The following ATP6V0D2 variants were observed in gnomAD, a reference collection of about 807,000 sequenced individuals.
ATP6V0D2 encodes ATPase H+ transporting V0 subunit d2, also known as V-type proton ATPase subunit d 2.
Under a neutral mutation model 40.0 loss-of-function variants are expected in ATP6V0D2, and 40 were observed. The ratio of observed to expected loss-of-function variants is 1.00; its 90% CI spans 0.78 to 1.30. The LOEUF (loss-of-function observed/expected upper bound fraction) is 1.30, where lower values mean the gene tolerates loss of function less well. ATP6V0D2 is among the 50% of genes most tolerant of loss of function. The pLI is 0.00. For synonymous variants in ATP6V0D2, 179 were observed against 156.3 expected (o/e 1.15, Z -1.08); for missense variants, 470 against 423.1 (o/e 1.11, Z -0.97).
At chr8:86,124,933 A>C (rs923134352) in intron 2 of ATP6V0D2, among the ~76,000 whole-genome samples, 1 of 152,180 alleles carries the variant, frequency 6.6e-6, no homozygotes, top group African/African-American at 2.4e-5. Context: ...AATGTAGCTA[A>C]TTTTATTTGT....
intron 1 of ATP6V0D2, among the ~76,000 whole-genome samples, chr8:86,103,500 C>A (rs189274495): frequency 2.6e-3 from 395 of 152,054 alleles, no homozygotes; most frequent in African/African-American, 9.0e-3. Context: ...ATCTCACTAA[C>A]AATGGTGCCC....
intron 5 of ATP6V0D2, among the ~76,000 whole-genome samples, chr8:86,145,438 T>C (rs1004939499): frequency 6.7e-6 from 1 of 149,120 alleles, no homozygotes; most frequent in Non-Finnish European, 1.5e-5. Flanking sequence ...CTCTATGTTG[T>C]CCAAGCCTGA....
chr8:86,118,035 TC>T (rs1458478960), intron 2 of ATP6V0D2, among the ~76,000 whole-genome samples: 7 of 151,084 alleles, frequency 4.6e-5, no homozygotes, highest in African/African-American at 1.7e-4. Context: ...TCTTTTTTTT[TC>T]TTTCTTTCTT....
At chr8:86,138,921 A>G (rs1002663800) in intron 2 of ATP6V0D2, among the ~76,000 whole-genome samples, 1 of 152,216 alleles carries the variant, frequency 6.6e-6, no homozygotes, top group African/African-American at 2.4e-5. Context: ...TTGTTAGAAT[A>G]TTGAATATGC....
intron 2 of ATP6V0D2, among the ~76,000 whole-genome samples, chr8:86,130,469 G>T (rs1818807922): frequency 6.6e-6 from 1 of 151,636 alleles, no homozygotes; most frequent in Non-Finnish European, 1.5e-5. Flanking sequence ...ATTAAATTAT[G>T]TTAAAAATAA....
rs182350599 is a variant in ATP6V0D2 at position 86,139,209 on chromosome 8, C to T, written c.303-248C>T. Among the ~76,000 whole-genome samples, 21 of 134,956 alleles carry T rather than the reference C, an allele frequency of 1.6e-4. No homozygotes were observed. The Admixed American group carries it at 1.7e-3, about 11-fold the overall frequency. The allele number at this position is 134,956 out of a possible 152,430, so 88.5% of individuals were successfully genotyped here. A position where few individuals can be genotyped will look rare whatever the true frequency, so the allele number is the denominator to read the frequency against. ...GGCCACTGCACTCCAGTCAGGGTGA[C>T]AGAGAGAGACTTGGTCTCAAAAAAA... is the stretch of plus-strand genomic sequence containing the variant. On this transcript the variant is annotated intron_variant, in intron 2 of 7. Transcript: ENST00000285393.
At chr8:86,133,047 T>C (rs1273798942) in intron 2 of ATP6V0D2, among the ~76,000 whole-genome samples, 1 of 152,190 alleles carries the variant, frequency 6.6e-6, no homozygotes, top group African/African-American at 2.4e-5. Flanking sequence ...TGCTATCTTA[T>C]TGTGGTTGAA....
rs1242290952 is a variant in ATP6V0D2 at position 86,117,552 on chromosome 8, C to T, written c.302+3672C>T. Among the ~76,000 whole-genome samples, 3 of 152,210 alleles carry T rather than the reference C, an allele frequency of 2.0e-5. No individual in the cohort carries two copies. In the East Asian group the frequency reaches 5.8e-4, roughly 29 times the overall value. On this transcript the variant is annotated intron_variant, in intron 2 of 7. Coordinates refer to ENST00000285393, the MANE Select transcript of ATP6V0D2 (RefSeq NM_152565.1). Reference sequence around the variant, plus strand: ...GTGCGGATGTTTCTTGTTTGCCATACTCAGTCCTCCTATCAGCGCTATGGG... The same window carrying T: ...GTGCGGATGTTTCTTGTTTGCCATATTCAGTCCTCCTATCAGCGCTATGGG...
intron 3 of ATP6V0D2, among the ~76,000 whole-genome samples, chr8:86,141,239 C>T (rs1818967300): frequency 6.6e-6 from 1 of 152,146 alleles, no homozygotes; most frequent in African/African-American, 2.4e-5. Context: ...TTGGGGACCC[C>T]TGGTTTAGGG....
At chr8:86,139,385 G>GT in intron 2 of ATP6V0D2, 72 bp from the exon 3 acceptor site, 1 of 1,352,958 alleles carries the variant, frequency 7.4e-7, no homozygotes, top group South Asian at 1.4e-5. Flanking sequence ...AAGAGTGTGT[G>GT]TTTTTTACTT....
Position 86,121,578 on chromosome 8 carries a change from AAGGAGGAGG to A in ATP6V0D2, c.302+7731_302+7739del, listed in dbSNP as rs562798784. Among the ~76,000 whole-genome samples, 13 of 107,456 alleles carry A rather than the reference AAGGAGGAGG, an allele frequency of 1.2e-4. 1 individual carries two copies. Among genetic ancestry groups the A allele is most frequent in the South Asian group, 6.8e-4 (2 of 2,944 alleles). The allele number at this position is 107,456 out of a possible 152,430, so 70.5% of individuals were successfully genotyped here. On this transcript the variant is annotated intron_variant, in intron 2 of 7. Transcript: ENST00000285393. ...GAGCAAGACTCCACCATTTCAAAAG[AAGGAGGAGG>A]AGGAGGAGGAGGAGGAGGAGGAGGA...
At chr8:86,112,980 C>T (rs2130237740) in intron 1 of ATP6V0D2, among the ~76,000 whole-genome samples, 1 of 152,252 alleles carries the variant, frequency 6.6e-6, no homozygotes, top group African/African-American at 2.4e-5. Flanking sequence ...GCTGCCCGTG[C>T]CACCTGCCCC....
intron 2 of ATP6V0D2, among the ~76,000 whole-genome samples, chr8:86,123,609 A>G (rs1818701761): frequency 6.6e-6 from 1 of 152,188 alleles, no homozygotes; most frequent in Admixed American, 6.5e-5. Context: ...AGGATTTAGT[A>G]TCTTGATTTA....
At chr8:86,101,069 C>G (rs564755420) in intron 1 of ATP6V0D2, among the ~76,000 whole-genome samples, 1 of 151,402 alleles carries the variant, frequency 6.6e-6, no homozygotes, top group African/African-American at 2.4e-5. Flanking sequence ...ATTTCTTGAA[C>G]CTGGGAGGCA....
intron 2 of ATP6V0D2, among the ~76,000 whole-genome samples, chr8:86,129,589 A>T (rs1818790320): frequency 6.6e-6 from 1 of 152,120 alleles, no homozygotes; most frequent in South Asian, 2.1e-4. Flanking sequence ...AGGCCTGCAG[A>T]TCATCTGAGG....
chr8:86,140,618 G>C (rs966203427), intron 3 of ATP6V0D2, among the ~76,000 whole-genome samples: 1 of 152,066 alleles, frequency 6.6e-6, no homozygotes, highest in African/African-American at 2.4e-5. Flanking sequence ...TAGTGAAGGA[G>C]GAGGGACTTC....
chr8:86,123,234 T>C (rs1335837328), intron 2 of ATP6V0D2, among the ~76,000 whole-genome samples: 2 of 152,350 alleles, frequency 1.3e-5, no homozygotes, highest in African/African-American at 2.4e-5. Flanking sequence ...ATTGCTATTA[T>C]TATGCTGCTT....
In ATP6V0D2 at chr8:86,121,764, G is replaced by T. The variant is rs79571119; in HGVS notation, c.302+7884G>T. On this transcript the variant is annotated intron_variant, in intron 2 of 7. Transcript: ENST00000285393. Reference sequence around the variant, plus strand: ...TCTTGCAAATTCGAGGGTCTCTCTAGCACCCATGAAATTCCATCAAATGAA... The same window carrying T: ...TCTTGCAAATTCGAGGGTCTCTCTATCACCCATGAAATTCCATCAAATGAA... Among the ~76,000 whole-genome samples, 43 of 152,200 alleles carry T rather than the reference G, an allele frequency of 2.8e-4. No individual in the cohort carries two copies. The East Asian group carries it at 8.1e-3, about 29-fold the overall frequency.
At chr8:86,120,901 G>A (rs552921316) in intron 2 of ATP6V0D2, among the ~76,000 whole-genome samples, 32 of 151,930 alleles carry the variant, frequency 2.1e-4, no homozygotes, top group Admixed American at 3.9e-4. Flanking sequence ...AATATCTGTC[G>A]GTCTTCAAAA....
Sources: allele counts gnomAD v4.1 joint callset (sites outside exome capture counted in the v4.1 genomes callset), GRCh38; gene constraint gnomAD v4.1.1; transcripts MANE v1.5; gene names NCBI Gene and HGNC (gene_info 2026-07-23, HGNC 2026-07-21).